Variants in AP3D1 observed in about 807,000 individuals in gnomAD.
AP3D1 encodes the protein adaptor related protein complex 3 subunit delta 1, also known as AP-3 complex subunit delta-1.
Under a neutral mutation model 147.6 loss-of-function variants are expected in AP3D1, and 51 were observed. That is an observed-to-expected ratio of 0.35 (90% confidence interval 0.28 to 0.44). The LOEUF (loss-of-function observed/expected upper bound fraction) is 0.44, where lower values mean the gene tolerates loss of function less well. Ranked by LOEUF, AP3D1 falls within the 20% of genes least tolerant of loss-of-function variation. The pLI, the probability that AP3D1 is intolerant of heterozygous loss-of-function variation, is 1.00. For missense variants in AP3D1, 1,421 were observed against 1,624.2 expected, an observed-to-expected ratio of 0.87 and a Z score of 2.15; for synonymous variants, 760 against 663.0, an observed-to-expected ratio of 1.15 and a Z score of -2.25.
chr19:2,115,059 TG>T (rs1445544192), intron 20 of AP3D1, among the ~76,000 whole-genome samples, 159 bp downstream of exon 20: 1 of 152,192 alleles, frequency 6.6e-6, no homozygotes, highest in Non-Finnish European at 1.5e-5. Context: ...TCGGGACGCG[TG>T]CTCGAGGACA....
intron 1 of AP3D1, among the ~76,000 whole-genome samples, chr19:2,139,003 T>C (rs1413881618): frequency 1.5e-5 from 2 of 130,678 alleles, no homozygotes; most frequent in Non-Finnish European, 3.1e-5. Context: ...GAGGTTGCAC[T>C]GAGCCAAGAT....
chr19:2,156,250 G>C (rs1426141476), upstream of AP3D1, among the ~76,000 whole-genome samples: 2 of 151,972 alleles, frequency 1.3e-5, no homozygotes, highest in Non-Finnish European at 2.9e-5. Context: ...CAGGAGATGG[G>C]GACATTTGTC....
intron 18 of AP3D1, 79 bp from the exon 19 acceptor site, chr19:2,115,692 G>T: frequency 7.0e-7 from 1 of 1,431,436 alleles, no homozygotes; most frequent in Non-Finnish European, 9.5e-7. Flanking sequence ...GATGCAGGGA[G>T]CGTGACGCAG....
chr19:2,109,886 T>C lies in AP3D1; in HGVS notation c.3337A>G (p.Thr1113Ala), dbSNP rs747183931. ...CCTGGGCCCCACCTGTAGCAGGGAG[T>C]GGTGATCAAGTAGGAGCTGCAGCTG... ...HFSCSSYLIT[T>A]PCYSDAFAKL... Residue 1113 changes from threonine (T) to alanine (A), a missense_variant, in exon 29 of 32, where the codon ACT (threonine) becomes GCT (alanine). Physicochemically the swap from Thr to Ala is moderately conservative, Grantham distance 58. Around this residue, in one of 6 missense-constraint regions of AP3D1, gnomAD observed 791 missense variants for 761.4 expected, o/e 1.04. Transcript: ENST00000643116. The C allele has an allele frequency of 2.2e-5, 35 of 1,609,958 alleles. 2 individuals are homozygous for C. In the South Asian group the frequency reaches 3.7e-4, roughly 17 times the overall value.
intron 14 of AP3D1, among the ~76,000 whole-genome samples, chr19:2,119,902 A>G (rs954705910): frequency 6.6e-6 from 1 of 152,080 alleles, no homozygotes; most frequent in African/African-American, 2.4e-5. Context: ...AGATCACGCC[A>G]CTGCACTCCA....
chr19:2,159,694 C>G (rs1396004638), intron 1 of AP3D1, among the ~76,000 whole-genome samples: 18 of 143,042 alleles, frequency 1.3e-4, no homozygotes, highest in Admixed American at 9.8e-4. Flanking sequence ...GGCCGCCTAG[C>G]TAATTTTTGT....
In AP3D1 at chr19:2,110,691, G is replaced by GTGGGGCA. The variant is rs772676874; in HGVS notation, c.3175+9_3175+15dup. The GTGGGGCA allele has an allele frequency of 6.3e-7, 1 of 1,576,838 alleles. No individual in the cohort carries two copies. The highest frequency in any genetic ancestry group is 8.6e-7 in the Non-Finnish European group (1 of 1,161,182). On this transcript the variant is annotated intron_variant, in intron 27 of 31. Coordinates refer to ENST00000643116, the MANE Select transcript of AP3D1 (RefSeq NM_001261826.3). ...CCACAGTCCCCAGGAGAGGCCGTGA[G>GTGGGGCA]TGGGGCAGGGCTCACCTGGGGGCAG...
chr19:2,114,860 CT>C, intron 20 of AP3D1, 39 bp from the exon 21 acceptor site: 1 of 1,607,656 alleles, frequency 6.2e-7, no homozygotes, highest in Non-Finnish European at 8.5e-7. Context: ...GGAACCCGCC[CT>C]TGTGGCCTGG....
At chr19:2,158,390 T>C (rs2019666706) in intron 1 of AP3D1, among the ~76,000 whole-genome samples, 1 of 148,954 alleles carries the variant, frequency 6.7e-6, no homozygotes, top group Non-Finnish European at 1.5e-5. Flanking sequence ...AGGGTCTTGC[T>C]CTGTTCCCTG....
Position 2,114,177 on chromosome 19 carries a change from T to G in AP3D1, c.2549A>C (p.Lys850Thr), listed in dbSNP as rs755986239. ...KSKKPKKKEK[K>T]HKEKERDKEK... ...CTTGTCTCTCTCTTTCTCTTTGTGT[T>G]TTTTCTCTTTCTTCTTGGGTTTCTT... The change falls in exon 22 of 32, where the codon AAA (lysine) becomes ACA (threonine). Residue 850 changes from lysine (K) to threonine (T), a missense_variant. This residue lies in a region of AP3D1 where 791 missense variants were observed against 761.4 expected (regional missense o/e 1.04). Transcript: ENST00000643116. 13 of 1,596,410 alleles carry G rather than the reference T, an allele frequency of 8.1e-6. No individual in the cohort carries two copies. The highest frequency in any genetic ancestry group is 1.0e-5 in the Non-Finnish European group (12 of 1,171,216).
chr19:2,107,594 G>A (rs895710068), intron 31 of AP3D1, among the ~76,000 whole-genome samples: 1 of 152,014 alleles, frequency 6.6e-6, no homozygotes, highest in African/African-American at 2.4e-5. Flanking sequence ...CAAAAAATTA[G>A]CCGGGCGTGG....
At chr19:2,147,174 G>A (rs1313193755) in intron 1 of AP3D1, among the ~76,000 whole-genome samples, 1 of 151,958 alleles carries the variant, frequency 6.6e-6, no homozygotes, top group Non-Finnish European at 1.5e-5. Context: ...GAGAAACCCC[G>A]TCTCTACTAA....
chr19:2,158,595 AC>A (rs1420393031), intron 1 of AP3D1, among the ~76,000 whole-genome samples: 2 of 149,234 alleles, frequency 1.3e-5, no homozygotes, highest in Non-Finnish European at 3.0e-5. Flanking sequence ...AGCCTGAGCC[AC>A]CGATCCCAGC....
chr19:2,132,454 C>G lies in AP3D1; in HGVS notation c.462+17G>C, dbSNP rs377298000. The G allele has an allele frequency of 1.7e-5, 27 of 1,584,096 alleles. No individual in the cohort carries two copies. Among genetic ancestry groups the G allele is most frequent in the Non-Finnish European group, 2.3e-5 (27 of 1,155,274 alleles). ...AGAGCAGACATGCAGGGGTGGTGGG[C>G]AGGCTTACAAACTCACCAGTGTCAT... On this transcript the variant is annotated intron_variant, in intron 5 of 31. Coordinates refer to ENST00000643116, the MANE Select transcript of AP3D1 (RefSeq NM_001261826.3).
chr19:2,115,549 A>C lies in AP3D1; in HGVS notation c.2138T>G (p.Leu713Trp). The C allele has an allele frequency of 2.5e-6, 4 of 1,613,154 alleles. No homozygotes were observed. The highest frequency in any genetic ancestry group is 3.4e-6 in the Non-Finnish European group (4 of 1,179,812). Residue 713 changes from leucine (L) to tryptophan (W), a missense_variant, in exon 19 of 32, where the codon TTG (leucine) becomes TGG (tryptophan). Transcript: ENST00000643116. ...PVVQIDLSVP[L>W]KVPGLPMSDQ... ...CCGGAGACACTTGCCTGGAACCTTCAAGGGGACGGAGAGGTCAATCTGCAC... is the reference window on the plus strand; with the variant it reads ...CCGGAGACACTTGCCTGGAACCTTCCAGGGGACGGAGAGGTCAATCTGCAC...
chr19:2,102,457 G>A (rs1410821679), intron 31 of AP3D1, among the ~76,000 whole-genome samples, 189 bp from the exon 32 acceptor site: 6 of 152,090 alleles, frequency 3.9e-5, no homozygotes, highest in East Asian at 1.9e-4. Flanking sequence ...GGCCGGGTGC[G>A]GTGGCTCACG....
Position 2,120,926 on chromosome 19 carries a change from T to G in AP3D1, c.1417A>C (p.Thr473Pro). 1 of 1,611,798 alleles carries G rather than the reference T, an allele frequency of 6.2e-7. No individual in the cohort carries two copies. The highest frequency in any genetic ancestry group is 8.5e-7 in the Non-Finnish European group (1 of 1,180,004). ...ACCTCACAGATCCCGTTCCGCTGGGTGCTGCTGGCCAGCAGGTGTGCACTG... is the reference window on the plus strand; with the variant it reads ...ACCTCACAGATCCCGTTCCGCTGGGGGCTGCTGGCCAGCAGGTGTGCACTG... ...LDSAHLLASS[T>P]QRNGICEVLY... Residue 473 changes from threonine to proline, a missense_variant, in exon 14 of 32, where the codon ACC (threonine) becomes CCC (proline). Physicochemically the swap from Thr to Pro is conservative, Grantham distance 38. This residue lies in a region of AP3D1 where 310 missense variants were observed against 388.1 expected (regional missense o/e 0.80). Transcript: ENST00000643116.
At chr19:2,164,220 C>A (rs1443977943) in intron 1 of AP3D1, 1 of 1,287,132 alleles carries the variant, frequency 7.8e-7, no homozygotes, top group East Asian at 3.0e-5. Context: ...TGAAGTCGCC[C>A]GTGGGGGCTG....
At chr19:2,160,929 A>G (rs1487044750) in intron 1 of AP3D1, among the ~76,000 whole-genome samples, 1 of 152,058 alleles carries the variant, frequency 6.6e-6, no homozygotes, top group Non-Finnish European at 1.5e-5. Flanking sequence ...GACATCGCCC[A>G]GTGTTTCCTG....
Sources: gnomAD v4.1 joint callset for allele counts (sites outside exome capture counted in the v4.1 genomes callset) on GRCh38, gnomAD v4.1.1 for gene constraint, gnomAD v4.1.1 regional missense constraint, MANE v1.5 for transcripts, NCBI Gene and HGNC (gene_info 2026-07-23, HGNC 2026-07-21) for gene names.